The following CCSER1 variants were observed in gnomAD, a reference collection of about 807,000 sequenced individuals.
CCSER1 encodes serine-rich coiled-coil domain-containing protein 1.
A neutral mutation model predicts 82.0 loss-of-function variants in CCSER1; 41 were observed. The ratio of observed to expected loss-of-function variants is 0.50; its 90% CI spans 0.39 to 0.65. The LOEUF (loss-of-function observed/expected upper bound fraction) is 0.65. Among genes scored for constraint, CCSER1 ranks in the 30% least tolerant of loss-of-function variants. The pLI, the probability that CCSER1 is intolerant of heterozygous loss-of-function variation, is 0.00. For synonymous variants in CCSER1, 414 were observed against 383.9 expected (o/e 1.08, Z -0.92); for missense variants, 1,119 against 1,064.2 (o/e 1.05, Z -0.72).
intron 10 of CCSER1, among the ~76,000 whole-genome samples, chr4:91,111,935 A>G (rs537684854): frequency 6.6e-6 from 1 of 151,960 alleles, no homozygotes; most frequent in Non-Finnish European, 1.5e-5. Context: ...GCAGTCAAAT[A>G]AAATTTTCTT....
intron 8 of CCSER1, among the ~76,000 whole-genome samples, chr4:90,869,922 C>T (rs1029876341): frequency 6.6e-6 from 1 of 151,600 alleles, no homozygotes; most frequent in Non-Finnish European, 1.5e-5. Context: ...TATTTTACTT[C>T]TCTTGTTAAT....
chr4:90,277,597 A>G (rs773901979), intron 1 of CCSER1, among the ~76,000 whole-genome samples: 53 of 152,218 alleles, frequency 3.5e-4, no homozygotes, highest in Non-Finnish European at 6.9e-4. Flanking sequence ...CTTATTCAAT[A>G]AATGGTGCTG....
At chr4:91,352,178 A>T (rs1748514345) in intron 10 of CCSER1, among the ~76,000 whole-genome samples, 1 of 152,234 alleles carries the variant, frequency 6.6e-6, no homozygotes, top group African/African-American at 2.4e-5. Context: ...ATTATTCTCT[A>T]AAGATTGTCA....
intron 7 of CCSER1, among the ~76,000 whole-genome samples, chr4:90,775,336 C>T (rs1443725028): frequency 1.3e-5 from 2 of 152,060 alleles, no homozygotes; most frequent in Non-Finnish European, 2.9e-5. Flanking sequence ...CCTGATCAAA[C>T]AATGTAACTA....
At chr4:91,550,216 G>A (rs1469910643) in intron 10 of CCSER1, among the ~76,000 whole-genome samples, 1 of 152,140 alleles carries the variant, frequency 6.6e-6, no homozygotes, top group Non-Finnish European at 1.5e-5. Flanking sequence ...CCTCTTGCTG[G>A]AAGCAAGATG....
At chr4:91,152,620 T>A (rs186000830) in intron 10 of CCSER1, among the ~76,000 whole-genome samples, 14 of 152,324 alleles carry the variant, frequency 9.2e-5, no homozygotes, top group Non-Finnish European at 1.8e-4. Flanking sequence ...GCATCAATGG[T>A]CTTCACAATT....
rs763515266 is a variant in CCSER1, at chr4:91,153,567, G to A, written c.2217+67573G>A. On this transcript the variant is annotated intron_variant, in intron 10 of 10. Coordinates refer to ENST00000509176, the MANE Select transcript of CCSER1 (RefSeq NM_001145065.2). ...TTTGTCCTGTTGCTGGCAAGGAGCT[G>A]CATTCCTTTGAAGGCACTCTGATTT... Among the ~76,000 whole-genome samples the A allele has an allele frequency of 8.6e-5, 13 of 151,914 alleles. 1 individual carries two copies. The highest frequency in any genetic ancestry group is 2.9e-5 in the Non-Finnish European group (2 of 67,898).
intron 10 of CCSER1, among the ~76,000 whole-genome samples, chr4:91,363,413 A>G (rs1352531076): frequency 6.6e-6 from 1 of 150,966 alleles, no homozygotes; most frequent in Non-Finnish European, 1.5e-5. Context: ...CAGGGAAAAG[A>G]AGACATAAAA....
chr4:90,176,288 A>G (rs1273920812), intron 1 of CCSER1, among the ~76,000 whole-genome samples: 2 of 151,994 alleles, frequency 1.3e-5, no homozygotes, highest in Non-Finnish European at 2.9e-5. Context: ...AACGTTGAAA[A>G]CAATTAGTCA....
chr4:91,410,148 C>G (rs1752938700), intron 10 of CCSER1, among the ~76,000 whole-genome samples: 1 of 152,144 alleles, frequency 6.6e-6, no homozygotes, highest in African/African-American at 2.4e-5. Context: ...AATATCATGT[C>G]TATTTCTAAA....
chr4:91,078,096 G>C (rs1414500994), intron 9 of CCSER1, among the ~76,000 whole-genome samples: 4 of 152,198 alleles, frequency 2.6e-5, no homozygotes, highest in Non-Finnish European at 5.9e-5. Flanking sequence ...GAGAATAGTG[G>C]TTCTTCCAGC....
At chr4:90,631,698 A>C (rs1724470124) in intron 6 of CCSER1, among the ~76,000 whole-genome samples, 1 of 152,200 alleles carries the variant, frequency 6.6e-6, no homozygotes, top group Non-Finnish European at 1.5e-5. Flanking sequence ...CAGCAGGCTA[A>C]ATAAATATAC....
At chr4:91,302,851 A>G (rs1290813596) in intron 10 of CCSER1, among the ~76,000 whole-genome samples, 1 of 149,350 alleles carries the variant, frequency 6.7e-6, no homozygotes, top group African/African-American at 2.5e-5. Context: ...TGCAAATTTT[A>G]TAGTTTATTT....
At chr4:90,781,788 C>T (rs1472597404) in intron 7 of CCSER1, 45 of 960,440 alleles carry the variant, frequency 4.7e-5, no homozygotes, top group Non-Finnish European at 5.4e-5. Flanking sequence ...TTTATTTTGG[C>T]TTTTTTGATA....
intron 3 of CCSER1, among the ~76,000 whole-genome samples, chr4:90,317,165 T>C (rs72879791): frequency 0.022 from 3,311 of 152,288 alleles, 92 homozygotes; most frequent in African/African-American, 0.069. Context: ...TGGCTTTACA[T>C]AGGGAATTCT....
chr4:90,956,643 GA>G (rs968543497), intron 9 of CCSER1, among the ~76,000 whole-genome samples: 2 of 151,958 alleles, frequency 1.3e-5, no homozygotes. Flanking sequence ...CTTATGGAGA[GA>G]AATATGTAAA....
chr4:90,957,519 A>ATCGT (rs1561417701), intron 9 of CCSER1, among the ~76,000 whole-genome samples: 2 of 110,614 alleles, frequency 1.8e-5, no homozygotes, highest in African/African-American at 6.0e-5. Flanking sequence ...AATATAACAT[A>ATCGT]ATATCATATA....
chr4:91,445,225 T>G (rs898060593), intron 10 of CCSER1, among the ~76,000 whole-genome samples: 1 of 152,132 alleles, frequency 6.6e-6, no homozygotes, highest in African/African-American at 2.4e-5. Flanking sequence ...CAAAACCCTT[T>G]CAAGAATTAT....
chr4:90,216,627 A>G (rs1741081678), intron 1 of CCSER1, among the ~76,000 whole-genome samples: 2 of 152,142 alleles, frequency 1.3e-5, no homozygotes, highest in African/African-American at 2.4e-5. Context: ...TCATTGATCT[A>G]TGCATCTTTT....
Sources: allele counts gnomAD v4.1 joint callset (sites outside exome capture counted in the v4.1 genomes callset), GRCh38; gene constraint gnomAD v4.1.1; transcripts MANE v1.5; gene names NCBI Gene and HGNC (gene_info 2026-07-23, HGNC 2026-07-21).